Variants in AUH observed in about 807,000 individuals in gnomAD.
The protein encoded by AUH is methylglutaconyl-CoA hydratase, mitochondrial.
A neutral mutation model predicts 42.3 loss-of-function variants in AUH; 29 were observed. That is an observed-to-expected ratio of 0.69 (90% CI 0.51 to 0.93). The LOEUF (loss-of-function observed/expected upper bound fraction) is 0.93. Among genes scored for constraint, AUH ranks in the 40% least tolerant of loss-of-function variants. The probability of loss-of-function intolerance (pLI) is 0.00; values close to 1 mark genes in which losing one functional copy is unlikely to be tolerated. For missense variants in AUH, 452 were observed against 438.1 expected (o/e 1.03, Z -0.28); for synonymous variants, 174 against 166.4 (o/e 1.05, Z -0.35).
intron 6 of AUH, among the ~76,000 whole-genome samples, chr9:91,240,948 G>A (rs1409572371): frequency 6.6e-6 from 1 of 152,152 alleles, no homozygotes; most frequent in East Asian, 1.9e-4. Flanking sequence ...GGAGGATGCT[G>A]CACAGCACAA....
At position 91,335,342 on chromosome 9, in the gene AUH, C is replaced by A. The variant is rs1236920049; in HGVS notation, c.419-9938G>T. ...TTATCTATTCCACCTAAAATCTTGA[C>A]TTTATTGCACATTCTTAACATTATC... On this transcript the variant is annotated intron_variant, in intron 3 of 9. Coordinates refer to ENST00000375731, the MANE Select transcript of AUH (RefSeq NM_001698.3). Among the ~76,000 whole-genome samples the A allele has an allele frequency of 4.9e-5, 4 of 81,110 alleles. No individual in the cohort carries two copies. In the East Asian group the frequency reaches 7.5e-3, roughly 152 times the overall value. 53.2% of individuals were successfully genotyped at this position (81,110 alleles called of 152,430 possible).
intron 7 of AUH, chr9:91,219,034 C>T (rs1473096965): frequency 1.0e-6 from 1 of 985,418 alleles, no homozygotes; most frequent in African/African-American, 1.7e-5. Context: ...GGCACATGCA[C>T]AGGGACTGTG....
At chr9:91,245,169 A>G (rs1225439445) in intron 6 of AUH, among the ~76,000 whole-genome samples, 1 of 152,156 alleles carries the variant, frequency 6.6e-6, no homozygotes, top group African/African-American at 2.4e-5. Context: ...GGCTGGGAGC[A>G]CACACAAGAG....
At chr9:91,267,238 A>T (rs1172626343) in intron 6 of AUH, among the ~76,000 whole-genome samples, 3 of 151,358 alleles carry the variant, frequency 2.0e-5, no homozygotes, top group Admixed American at 6.6e-5. Flanking sequence ...TAATGTCTTT[A>T]AAAAAAAACT....
intron 6 of AUH, among the ~76,000 whole-genome samples, chr9:91,221,367 T>C (rs528489673): frequency 6.6e-6 from 1 of 152,294 alleles, no homozygotes; most frequent in African/African-American, 2.4e-5. Flanking sequence ...TCCACCAAGC[T>C]TGGCATTCTT....
chr9:91,359,416 G>A (rs1035393573), intron 1 of AUH, among the ~76,000 whole-genome samples: 1 of 151,934 alleles, frequency 6.6e-6, no homozygotes, highest in Non-Finnish European at 1.5e-5. Context: ...TACATAAATG[G>A]ATCATATGTT....
chr9:91,296,946 A>G (rs1827384748), intron 5 of AUH, among the ~76,000 whole-genome samples: 1 of 152,228 alleles, frequency 6.6e-6, no homozygotes. Flanking sequence ...CTGCCTTGGC[A>G]GCTCTGCTTT....
chr9:91,331,914 C>G (rs1477173878), intron 3 of AUH, among the ~76,000 whole-genome samples: 1 of 152,200 alleles, frequency 6.6e-6, no homozygotes, highest in Non-Finnish European at 1.5e-5. Flanking sequence ...CCTCAAATTC[C>G]AAAAGGCTCC....
At chr9:91,351,579 C>G (rs1831988666) in intron 3 of AUH, among the ~76,000 whole-genome samples, 3 of 152,144 alleles carry the variant, frequency 2.0e-5, no homozygotes, top group Admixed American at 2.0e-4. Context: ...GGGTCCCCAA[C>G]CCGAGTTGAT....
intron 4 of AUH, among the ~76,000 whole-genome samples, chr9:91,305,938 T>C (rs1828185634): frequency 1.3e-5 from 2 of 152,126 alleles, no homozygotes; most frequent in African/African-American, 2.4e-5. Flanking sequence ...TGTGACCACG[T>C]ACCCGAGAAA....
intron 6 of AUH, among the ~76,000 whole-genome samples, chr9:91,233,468 G>A (rs1220755812): frequency 6.6e-6 from 1 of 152,152 alleles, no homozygotes; most frequent in East Asian, 1.9e-4. Flanking sequence ...CTGAACATCT[G>A]AGAGCATCTT....
chr9:91,283,424 C>A (rs1351131977), intron 6 of AUH, among the ~76,000 whole-genome samples: 1 of 152,106 alleles, frequency 6.6e-6, no homozygotes, highest in Non-Finnish European at 1.5e-5. Flanking sequence ...CCCTCTCTCA[C>A]CACTCCTATT....
chr9:91,245,842 G>A (rs886580100), intron 6 of AUH, among the ~76,000 whole-genome samples: 5 of 152,144 alleles, frequency 3.3e-5, no homozygotes, highest in African/African-American at 1.2e-4. Flanking sequence ...TAGAGGGAGT[G>A]CACCTTTGAC....
chr9:91,282,029 C>T (rs1826004852), intron 6 of AUH, among the ~76,000 whole-genome samples: 1 of 152,114 alleles, frequency 6.6e-6, no homozygotes, highest in South Asian at 2.1e-4. Context: ...AGTTAAAAGT[C>T]CTGACAGTGG....
chr9:91,282,667 G>A (rs4518763), intron 6 of AUH, among the ~76,000 whole-genome samples: 24 of 152,084 alleles, frequency 1.6e-4, no homozygotes, highest in African/African-American at 5.8e-4. Context: ...ACTACCATCA[G>A]AGAATACTAT....
chr9:91,300,531 T>C (rs933645488), intron 4 of AUH, among the ~76,000 whole-genome samples: 16 of 152,308 alleles, frequency 1.1e-4, no homozygotes, highest in Admixed American at 3.3e-4. Flanking sequence ...ATTAATCTCC[T>C]TCACCTGCAA....
chr9:91,339,232 T>G (rs2131963934), intron 3 of AUH, among the ~76,000 whole-genome samples: 1 of 152,308 alleles, frequency 6.6e-6, no homozygotes, highest in African/African-American at 2.4e-5. Flanking sequence ...CTCCTCAACT[T>G]AAAATGGGGT....
chr9:91,327,716 G>C (rs1663753977), intron 3 of AUH, among the ~76,000 whole-genome samples: 2 of 152,220 alleles, frequency 1.3e-5, no homozygotes. Context: ...GCGTGCAACG[G>C]GAATAAAAGA....
At chr9:91,333,481 A>G (rs1830481202) in intron 3 of AUH, among the ~76,000 whole-genome samples, 1 of 152,216 alleles carries the variant, frequency 6.6e-6, no homozygotes, top group African/African-American at 2.4e-5. Context: ...AAAAGCAAAA[A>G]TATATTTCAA....
Sources: gnomAD v4.1 joint callset for allele counts (sites outside exome capture counted in the v4.1 genomes callset) on GRCh38, gnomAD v4.1.1 for gene constraint, MANE v1.5 for transcripts, NCBI Gene and HGNC (gene_info 2026-07-23, HGNC 2026-07-21) for gene names.